The following DSCAML1 variants were observed in gnomAD, a reference collection of about 807,000 sequenced individuals.
The protein encoded by DSCAML1 is DS cell adhesion molecule like 1, also known as cell adhesion molecule DSCAML1.
DSCAML1 carries 38 observed loss-of-function variants against 200.5 expected under a neutral mutation model. The ratio of observed to expected loss-of-function variants is 0.19; its 90% CI spans 0.15 to 0.25. DSCAML1 has a LOEUF of 0.25. Ranked by LOEUF, DSCAML1 falls within the 10% of genes least tolerant of loss-of-function variation. The pLI, the probability that DSCAML1 is intolerant of heterozygous loss-of-function variation, is 1.00. For missense variants in DSCAML1, 2,223 were observed against 2,858.8 expected (o/e 0.78, Z 5.07); for synonymous variants, 1,215 against 1,165.0 (o/e 1.04, Z -0.87).
At chr11:117,593,951 G>A (rs2137491607) in intron 3 of DSCAML1, among the ~76,000 whole-genome samples, 1 of 152,152 alleles carries the variant, frequency 6.6e-6, no homozygotes, top group Admixed American at 6.5e-5. Flanking sequence ...CTGACCTCGT[G>A]ATCCGCCCGC....
intron 3 of DSCAML1, among the ~76,000 whole-genome samples, chr11:117,603,049 T>A (rs2051494175): frequency 6.6e-6 from 1 of 152,138 alleles, no homozygotes; most frequent in Non-Finnish European, 1.5e-5. Flanking sequence ...TGAGCCATGA[T>A]TGCATCGCTG....
At chr11:117,442,248 GTGCATA>G (rs1043796499) in intron 21 of DSCAML1, among the ~76,000 whole-genome samples, 2 of 151,698 alleles carry the variant, frequency 1.3e-5, no homozygotes, top group Admixed American at 6.6e-5. Context: ...GTGTATGCAT[GTGCATA>G]TGTGTGTGCA....
intron 3 of DSCAML1, among the ~76,000 whole-genome samples, chr11:117,634,384 T>G (rs1319973031): frequency 1.3e-5 from 2 of 152,190 alleles, no homozygotes; most frequent in Non-Finnish European, 2.9e-5. Context: ...CTTTCCAGCC[T>G]CCGCTTCATA....
intron 4 of DSCAML1, among the ~76,000 whole-genome samples, chr11:117,528,616 G>C (rs960539722): frequency 6.6e-6 from 1 of 152,184 alleles, no homozygotes; most frequent in African/African-American, 2.4e-5. Context: ...GCTGTGGTTA[G>C]GTGGTTAGGG....
chr11:117,766,888 G>A (rs2054907189), intron 3 of DSCAML1, among the ~76,000 whole-genome samples: 1 of 152,108 alleles, frequency 6.6e-6, no homozygotes, highest in South Asian at 2.1e-4. Context: ...GATATTGGAA[G>A]AAGTTCTAGG....
intron 1 of DSCAML1, among the ~76,000 whole-genome samples, chr11:117,815,019 T>G (rs962871900): frequency 6.6e-6 from 1 of 152,202 alleles, no homozygotes; most frequent in African/African-American, 2.4e-5. Flanking sequence ...ACAAGAGAAT[T>G]CAGCATGCTC....
At position 117,498,000 on chromosome 11, in the gene DSCAML1, C is replaced by T. The variant is rs548774134; in HGVS notation, c.2359+5845G>A. Among the ~76,000 whole-genome samples, 7 of 152,336 alleles carry T rather than the reference C, an allele frequency of 4.6e-5. No homozygotes were observed. In the South Asian group the frequency reaches 6.2e-4, roughly 14 times the overall value. On this transcript the variant is annotated intron_variant, in intron 11 of 32. Transcript: ENST00000651296. Reference sequence around the variant, plus strand: ...GAGCAGAGGGGGTGACCTGTGAGCCCGGATGGGATTGGACCAGACCTGTGG... The same window carrying T: ...GAGCAGAGGGGGTGACCTGTGAGCCTGGATGGGATTGGACCAGACCTGTGG...
chr11:117,785,743 CA>C (rs1454481298), intron 1 of DSCAML1, among the ~76,000 whole-genome samples: 1 of 152,144 alleles, frequency 6.6e-6, no homozygotes, highest in Non-Finnish European at 1.5e-5. Context: ...GTGGAGTCCC[CA>C]AAAGAAAGGA....
At chr11:117,648,319 C>G (rs535390940) in intron 3 of DSCAML1, among the ~76,000 whole-genome samples, 1 of 152,278 alleles carries the variant, frequency 6.6e-6, no homozygotes, top group South Asian at 2.1e-4. Context: ...CAGCAGGGGC[C>G]GGCTCAAGGT....
chr11:117,525,461 C>T (rs2049962047), intron 4 of DSCAML1, among the ~76,000 whole-genome samples: 1 of 144,192 alleles, frequency 6.9e-6, no homozygotes, highest in Middle Eastern at 3.7e-3. Context: ...TCCCTGGCTT[C>T]TTTTTTTTTT....
chr11:117,650,667 CTGTGTGTGTGTG>C (rs66966642), intron 3 of DSCAML1, among the ~76,000 whole-genome samples: 5 of 143,532 alleles, frequency 3.5e-5, no homozygotes, highest in South Asian at 2.3e-4. Flanking sequence ...GTGTGTCTAT[CTGTGTGTGTGTG>C]TGTGTGTGTG....
chr11:117,450,104 C>T (rs2048257048), intron 20 of DSCAML1, among the ~76,000 whole-genome samples: 1 of 152,236 alleles, frequency 6.6e-6, no homozygotes, highest in Admixed American at 6.5e-5. Flanking sequence ...TTTCCTCCTC[C>T]CTCAGCTTGC....
At chr11:117,607,044 C>T (rs1380292011) in intron 3 of DSCAML1, among the ~76,000 whole-genome samples, 5 of 152,214 alleles carry the variant, frequency 3.3e-5, no homozygotes, top group Non-Finnish European at 7.3e-5. Flanking sequence ...AGACAGTGTT[C>T]TAGGCACTAG....
intron 1 of DSCAML1, among the ~76,000 whole-genome samples, chr11:117,783,499 T>G (rs1424170745): frequency 6.6e-6 from 1 of 152,232 alleles, no homozygotes; most frequent in East Asian, 1.9e-4. Flanking sequence ...GACTTCATTG[T>G]TAACTACAGG....
intron 3 of DSCAML1, among the ~76,000 whole-genome samples, chr11:117,573,538 T>TG (rs1239685835): frequency 2.0e-5 from 3 of 152,102 alleles, no homozygotes; most frequent in African/African-American, 7.2e-5. Flanking sequence ...AGCCAGGTAA[T>TG]CCCCTGGGTG....
chr11:117,595,367 A>C (rs2051344116), intron 3 of DSCAML1, among the ~76,000 whole-genome samples: 1 of 152,214 alleles, frequency 6.6e-6, no homozygotes, highest in Admixed American at 6.5e-5. Flanking sequence ...CTGCAACCCC[A>C]CCAACAAGAG....
chr11:117,645,874 C>T (rs1260068484), intron 3 of DSCAML1, among the ~76,000 whole-genome samples: 1 of 151,448 alleles, frequency 6.6e-6, no homozygotes, highest in East Asian at 1.9e-4. Context: ...ACATTGTGCA[C>T]ATGTACCCTA....
chr11:117,534,788 T>G (rs775507667), intron 3 of DSCAML1, among the ~76,000 whole-genome samples: 2 of 151,992 alleles, frequency 1.3e-5, no homozygotes, highest in Non-Finnish European at 2.9e-5. Context: ...TAAAAAAAAA[T>G]TTTTGTAGAG....
Position 117,428,566 on chromosome 11 carries a change from G to A in DSCAML1, c.5924C>T (p.Ala1975Val), listed in dbSNP as rs777851211. The A allele has an allele frequency of 1.9e-6, 3 of 1,570,970 alleles. No homozygotes were observed. The highest frequency in any genetic ancestry group is 2.3e-5 in the South Asian group (2 of 85,948). Reference protein sequence around the residue: ...STATLPQRTLAMPAPPAGTAP... With the variant: ...STATLPQRTLVMPAPPAGTAP... Reference sequence around the variant, plus strand: ...TGTGCCGGCTGGGGGGGCTGGCATGGCCAGAGTCCTCTGAGGTAAGGTGGC... The same window carrying A: ...TGTGCCGGCTGGGGGGGCTGGCATGACCAGAGTCCTCTGAGGTAAGGTGGC... Residue 1975 changes from alanine (A) to valine (V), a missense_variant, in exon 33 of 33, where the codon GCC becomes GTC. Transcript: ENST00000651296.
Sources: allele counts gnomAD v4.1 joint callset (sites outside exome capture counted in the v4.1 genomes callset), GRCh38; gene constraint gnomAD v4.1.1; transcripts MANE v1.5; gene names NCBI Gene and HGNC (gene_info 2026-07-23, HGNC 2026-07-21).